ZNF114: variants seen among roughly 807,000 people sequenced by gnomAD.
The protein encoded by ZNF114 is zinc finger protein 114 (Y18).
Under a neutral mutation model 6.8 loss-of-function variants are expected in ZNF114, and 8 were observed. That is an observed-to-expected ratio of 1.18 (90% CI 0.69 to 2.13). ZNF114 has a LOEUF of 2.13. Among genes scored for constraint, ZNF114 ranks in the 30% most tolerant of loss-of-function variants. The pLI is 0.00. For synonymous variants in ZNF114, 169 were observed against 185.5 expected, an observed-to-expected ratio of 0.91 and a Z score of 0.72; for missense variants, 472 against 519.5, an observed-to-expected ratio of 0.91 and a Z score of 0.89.
chr19:48,271,866 G>C (rs977255316), intron 3 of ZNF114, 38 bp downstream of exon 3: 1 of 152,278 alleles, frequency 6.6e-6, no homozygotes, highest in Non-Finnish European at 1.5e-5. Flanking sequence ...GGGCGGGACC[G>C]GGCCGGGGCC....
chr19:48,281,364 A>G (rs945464561), intron 4 of ZNF114, among the ~76,000 whole-genome samples: 4 of 152,036 alleles, frequency 2.6e-5, no homozygotes, highest in Non-Finnish European at 4.4e-5. Flanking sequence ...AATTTGTTCC[A>G]TGCTCTTACC....
At chr19:48,278,682 C>T (rs1008042011) in intron 3 of ZNF114, among the ~76,000 whole-genome samples, 6 of 152,132 alleles carry the variant, frequency 3.9e-5, no homozygotes, top group Non-Finnish European at 5.9e-5. Context: ...GTGCTCACAC[C>T]CCTAATTCCA....
At chr19:48,277,424 T>C (rs937356097) in intron 3 of ZNF114, among the ~76,000 whole-genome samples, 6 of 152,240 alleles carry the variant, frequency 3.9e-5, no homozygotes, top group African/African-American at 7.2e-5. Context: ...ATTCCGTTTC[T>C]TTTCTTATTG....
intron 3 of ZNF114, among the ~76,000 whole-genome samples, chr19:48,277,605 G>A (rs1967868472): frequency 1.3e-5 from 2 of 152,132 alleles, no homozygotes; most frequent in African/African-American, 4.8e-5. Flanking sequence ...CGGCCGCTGG[G>A]AGACGTTTCC....
At chr19:48,275,069 G>A (rs1967788250) in intron 3 of ZNF114, among the ~76,000 whole-genome samples, 1 of 151,100 alleles carries the variant, frequency 6.6e-6, no homozygotes, top group Non-Finnish European at 1.5e-5. Context: ...TTGACCCCAG[G>A]AGGTCAAGGC....
chr19:48,275,458 A>ACACAC (rs1600837639), intron 3 of ZNF114, among the ~76,000 whole-genome samples: 10 of 145,254 alleles, frequency 6.9e-5, no homozygotes, highest in South Asian at 2.2e-4. Context: ...ACACACACAC[A>ACACAC]AAATAGCCAG....
chr19:48,285,900 C>A lies in ZNF114; in HGVS notation c.276C>A (p.Cys92Ter). 1 of 1,614,104 alleles carries A rather than the reference C, an allele frequency of 6.2e-7. No individual in the cohort carries two copies. The highest frequency in any genetic ancestry group is 8.5e-7 in the Non-Finnish European group (1 of 1,180,024). ...QHSTLREDWR[C>*]PKTEEPHRQG... is the part of the protein sequence containing the mutation. ...CCACATTAAGAGAAGACTGGAGATGCCCCAAAACAGAGGAACCACACAGGC... is the reference window on the plus strand; with the variant it reads ...CCACATTAAGAGAAGACTGGAGATGACCCAAAACAGAGGAACCACACAGGC... The change falls in exon 6 of 6, where the codon TGC (cysteine) becomes TGA (stop). Residue 92 changes from cysteine (C) to a stop codon, truncating the protein, a stop_gained. Coordinates refer to ENST00000595607, the MANE Select transcript of ZNF114 (RefSeq NM_153608.4). LOFTEE classifies it low-confidence loss of function (END_TRUNC).
rs1968166086 is a variant in ZNF114, at chr19:48,287,546, T to G, written c.*668T>G. 6.6e-6 allele frequency: 1 copy of G among 151,840 alleles called. No individual in the cohort carries two copies. The allele number at this position is 151,840 out of a possible 1,614,324, so 9.4% of individuals were successfully genotyped here. A position where few individuals can be genotyped will look rare whatever the true frequency, so the allele number is the denominator to read the frequency against. Reference sequence around the variant, plus strand: ...CCTCTTTAAACACTTACCACTCATGTTGCATGTGAATCCACATCCTGAAGG... The same window carrying G: ...CCTCTTTAAACACTTACCACTCATGGTGCATGTGAATCCACATCCTGAAGG... On this transcript the variant is annotated 3_prime_UTR_variant, in exon 6 of 6. Transcript: ENST00000595607.
intron 3 of ZNF114, among the ~76,000 whole-genome samples, chr19:48,272,337 G>A (rs1486902810): frequency 2.6e-5 from 4 of 151,886 alleles, no homozygotes; most frequent in East Asian, 1.9e-4. Flanking sequence ...GCTTGAACCC[G>A]GGAGGTGGAG....
chr19:48,282,608 C>CGCCTGTAATCCCAGCACTTTGGG, intron 5 of ZNF114, 111 bp downstream of exon 5: 1 of 1,322,098 alleles, frequency 7.6e-7, no homozygotes, highest in Non-Finnish European at 1.0e-6. Context: ...TCCAGAGACA[C>CGCCTGTAATCCCAGCACTTTGGG]AGCTGCTGCC....
chr19:48,277,555 G>T (rs568879375), intron 3 of ZNF114, among the ~76,000 whole-genome samples: 2 of 152,040 alleles, frequency 1.3e-5, no homozygotes, highest in African/African-American at 4.8e-5. Context: ...TGTTCAGTGT[G>T]TTTCCATCAA....
rs567954123 is a variant in ZNF114, at chr19:48,285,035, C to T, written c.137-726C>T. Among the ~76,000 whole-genome samples, 7 of 152,326 alleles carry T rather than the reference C, an allele frequency of 4.6e-5. No individual in the cohort carries two copies. The South Asian group carries it at 1.5e-3, about 32-fold the overall frequency. On this transcript the variant is annotated intron_variant, in intron 5 of 5. Transcript: ENST00000595607. ...GAATTCCTGATCGTTTCCTTGATCT[C>T]TGCAGAACTGTTCCTCAGTAACATG...
intron 3 of ZNF114, among the ~76,000 whole-genome samples, chr19:48,279,354 C>G (rs1259831855): frequency 7.4e-6 from 1 of 135,478 alleles, no homozygotes; most frequent in Non-Finnish European, 1.6e-5. Flanking sequence ...GCCATGATTG[C>G]ACTACTGCAC....
intron 4 of ZNF114, among the ~76,000 whole-genome samples, chr19:48,281,894 C>CT (rs869238604): frequency 0.68 from 61,898 of 90,394 alleles, 22,868 homozygotes; most frequent in Non-Finnish European, 0.77. Flanking sequence ...ACAACCTCAT[C>CT]TTTTTTTTTT....
chr19:48,277,794 G>GGGGGGTGT lies in ZNF114; in HGVS notation c.-69-1936_-69-1935insGGGGTGTG, dbSNP rs1330052475. On this transcript the variant is annotated intron_variant, in intron 3 of 5. Transcript: ENST00000595607. ...GAATAGACTGACCAGGGAGGCATTG[G>GGGGGGTGT]GTGTGTGTGTGTGTGTGTGTGTGTG... 6.7e-5 allele frequency among the ~76,000 whole-genome samples: 8 copies of GGGGGGTGT among 119,410 alleles called. 1 individual carries two copies. Among genetic ancestry groups the GGGGGGTGT allele is most frequent in the African/African-American group, 2.6e-4 (8 of 30,596 alleles). 78.3% of individuals were successfully genotyped at this position (119,410 alleles called of 152,430 possible). A position where few individuals can be genotyped will look rare whatever the true frequency, so the allele number is the denominator to read the frequency against.
At chr19:48,279,623 G>A (rs1367938493) in intron 3 of ZNF114, 108 bp from the exon 4 acceptor site, 3 of 715,642 alleles carry the variant, frequency 4.2e-6, no homozygotes, top group Non-Finnish European at 4.7e-6. Context: ...GTGGGGAAGT[G>A]TGTGCACACG....
intron 1 of ZNF114, among the ~76,000 whole-genome samples, chr19:48,270,779 G>GAAAGA (rs1967636030): frequency 7.6e-6 from 1 of 132,246 alleles, no homozygotes; most frequent in Non-Finnish European, 1.7e-5. Flanking sequence ...AAGAAAGAAA[G>GAAAGA]AAAGAAAAGA....
chr19:48,280,610 T>C (rs1381005126), intron 4 of ZNF114, among the ~76,000 whole-genome samples: 2 of 146,230 alleles, frequency 1.4e-5, no homozygotes, highest in Admixed American at 7.3e-5. Flanking sequence ...TGGAGTGCAA[T>C]GGCATGATCT....
intron 4 of ZNF114, among the ~76,000 whole-genome samples, chr19:48,281,840 A>G (rs977940854): frequency 5.4e-5 from 8 of 147,106 alleles, no homozygotes; most frequent in African/African-American, 2.0e-4. Context: ...TCCTCTTCTT[A>G]TAAGGACACC....
Sources: gnomAD v4.1 joint callset for allele counts (sites outside exome capture counted in the v4.1 genomes callset) on GRCh38, gnomAD v4.1.1 for gene constraint, MANE v1.5 for transcripts, NCBI Gene and HGNC (gene_info 2026-07-23, HGNC 2026-07-21) for gene names.